The following TRIM71 variants were observed in gnomAD, a reference collection of about 807,000 sequenced individuals.
The protein encoded by TRIM71 is E3 ubiquitin-protein ligase TRIM71.
A neutral mutation model predicts 61.2 loss-of-function variants in TRIM71; 9 were observed. The observed-to-expected ratio is 0.15, with a 90% confidence interval of 0.09 to 0.26. TRIM71 has a LOEUF of 0.26. TRIM71 is among the 10% of genes least tolerant of loss of function. TRIM71 has a pLI of 1.00. For synonymous variants in TRIM71, 645 were observed against 553.2 expected, an observed-to-expected ratio of 1.17 and a Z score of -2.33; for missense variants, 998 against 1,238.7, an observed-to-expected ratio of 0.81 and a Z score of 2.92.
chr3:32,818,194 G>C lies in TRIM71; in HGVS notation c.114G>C (p.Thr38=). Residue 38 remains threonine (T), a synonymous_variant, in exon 1 of 4, where the codon ACG becomes ACC. Transcript: ENST00000383763. ...CCGCGTCGTCGTCCTCCTCGCAGACGTCCACGTCGTCGGGGGGCGGCGGCG... is the reference window on the plus strand; with the variant it reads ...CCGCGTCGTCGTCCTCCTCGCAGACCTCCACGTCGTCGGGGGGCGGCGGCG... ...NSSASSSSSQ[T]STSSGGGGGG... The C allele has an allele frequency of 6.3e-7, 1 of 1,578,160 alleles. No individual in the cohort carries two copies.
At chr3:32,886,375 T>G (rs928363937) in intron 3 of TRIM71, among the ~76,000 whole-genome samples, 2 of 152,184 alleles carry the variant, frequency 1.3e-5, no homozygotes, top group Non-Finnish European at 2.9e-5. Context: ...GAAACTGTTG[T>G]TAAGAAAGGC....
intron 1 of TRIM71, among the ~76,000 whole-genome samples, chr3:32,862,250 C>T (rs1400400270): frequency 1.3e-5 from 2 of 152,100 alleles, no homozygotes; most frequent in Non-Finnish European, 2.9e-5. Context: ...GGGAAGTGCT[C>T]GGTTGTGTTA....
At chr3:32,827,489 T>C (rs6550161) in intron 1 of TRIM71, among the ~76,000 whole-genome samples, 27,061 of 151,914 alleles carry the variant, frequency 0.18, 2,530 homozygotes, top group Middle Eastern at 0.29. Context: ...CTCGAACTCC[T>C]GACCTCAGGT....
Position 32,897,173 on chromosome 3 carries a change from G to C in TRIM71, c.*5362G>C, listed in dbSNP as rs900535366. 3.3e-5 allele frequency: 5 copies of C among 151,860 alleles called. No individual in the cohort carries two copies. Among genetic ancestry groups the C allele is most frequent in the Non-Finnish European group, 5.9e-5 (4 of 67,952 alleles). The allele number at this position is 151,860 out of a possible 1,614,324, so 9.4% of individuals were successfully genotyped here. A position where few individuals can be genotyped will look rare whatever the true frequency, so the allele number is the denominator to read the frequency against. ...TTTAATTTTTAACTGCAGAACATGT[G>C]ACTCGGTTGAGTCTTTTTGTCTTTT... On this transcript the variant is annotated 3_prime_UTR_variant, in exon 4 of 4. Transcript: ENST00000383763.
At chr3:32,845,952 C>T (rs1188364683) in intron 1 of TRIM71, among the ~76,000 whole-genome samples, 2 of 151,750 alleles carry the variant, frequency 1.3e-5, no homozygotes, top group Admixed American at 6.6e-5. Flanking sequence ...ATCTCCTGAC[C>T]TTAGGTGATC....
intron 1 of TRIM71, among the ~76,000 whole-genome samples, chr3:32,834,012 A>C (rs1696305017): frequency 6.6e-6 from 1 of 152,240 alleles, no homozygotes; most frequent in African/African-American, 2.4e-5. Context: ...TTCCAAGAGG[A>C]AAATTCGTTT....
At chr3:32,831,324 T>C (rs1231564564) in intron 1 of TRIM71, among the ~76,000 whole-genome samples, 1 of 152,134 alleles carries the variant, frequency 6.6e-6, no homozygotes, top group African/African-American at 2.4e-5. Flanking sequence ...ACCGTTAAGA[T>C]GGGAGTGATA....
At chr3:32,835,873 G>A (rs990381144) in intron 1 of TRIM71, among the ~76,000 whole-genome samples, 2 of 152,096 alleles carry the variant, frequency 1.3e-5, no homozygotes, top group Non-Finnish European at 2.9e-5. Context: ...GGTTCGTGGG[G>A]CTCCTTTCAA....
intron 1 of TRIM71, among the ~76,000 whole-genome samples, chr3:32,850,105 C>G (rs1485964656): frequency 6.6e-6 from 1 of 152,236 alleles, no homozygotes; most frequent in Admixed American, 6.5e-5. Flanking sequence ...GTCTTCCAGT[C>G]TCCCTCCGTT....
Position 32,818,020 on chromosome 3 carries a change from T to G in TRIM71, c.-61T>G, listed in dbSNP as rs1026032507. 15 of 1,527,466 alleles carry G rather than the reference T, an allele frequency of 9.8e-6. No homozygotes were observed. The highest frequency in any genetic ancestry group is 1.4e-5 in the African/African-American group (1 of 71,982). 94.6% of individuals were successfully genotyped at this position (1,527,466 alleles called of 1,614,324 possible). On this transcript the variant is annotated 5_prime_UTR_variant, in exon 1 of 4. Coordinates refer to ENST00000383763, the MANE Select transcript of TRIM71 (RefSeq NM_001039111.3). ...TGACTCCCCCACCCACCTCGTCCGC[T>G]CTCTCCTCCTCCTCCTCCTCTTCCT...
chr3:32,879,915 T>TA (rs1352925981), intron 2 of TRIM71, among the ~76,000 whole-genome samples: 3 of 151,660 alleles, frequency 2.0e-5, no homozygotes, highest in Admixed American at 1.3e-4. Context: ...GAGCCAAGAT[T>TA]ACACCACTGC....
intron 1 of TRIM71, among the ~76,000 whole-genome samples, chr3:32,832,680 C>T (rs1025288717): frequency 1.3e-5 from 2 of 151,750 alleles, no homozygotes; most frequent in Non-Finnish European, 2.9e-5. Context: ...GTGAAGACCC[C>T]GTCTCAATAA....
chr3:32,846,759 T>C (rs1696480477), intron 1 of TRIM71, among the ~76,000 whole-genome samples: 1 of 151,748 alleles, frequency 6.6e-6, no homozygotes, highest in African/African-American at 2.4e-5. Context: ...CTTTTTTAGA[T>C]TCCATATATA....
rs1437780572 is a variant in TRIM71, at chr3:32,891,751, C to T, written c.2547C>T (p.Ile849=). ...TGGACCGCCCTTCCGGCATCGCCAT[C>T]ACCCCCGACGGAATGATCGTTGTGG... The part of the protein sequence containing the change: ...GQMDRPSGIA[I]TPDGMIVVVD... The change falls in exon 4 of 4, where the codon ATC becomes ATT. Residue 849 remains isoleucine, a synonymous_variant. Coordinates refer to ENST00000383763, the MANE Select transcript of TRIM71 (RefSeq NM_001039111.3). The surrounding 1 kb of genome is among the most constrained non-coding windows in gnomAD (Gnocchi z 8.2). 5 of 1,614,040 alleles carry T rather than the reference C, an allele frequency of 3.1e-6. No homozygotes were observed. In the African/African-American group the frequency reaches 5.3e-5, roughly 17 times the overall value.
intron 1 of TRIM71, among the ~76,000 whole-genome samples, chr3:32,845,010 A>G (rs1437235241): frequency 6.6e-6 from 1 of 152,204 alleles, no homozygotes; most frequent in Non-Finnish European, 1.5e-5. Context: ...TGCCTTCAAC[A>G]CAAACAAGGA....
At chr3:32,854,049 G>A (rs1365269206) in intron 1 of TRIM71, among the ~76,000 whole-genome samples, 3 of 152,064 alleles carry the variant, frequency 2.0e-5, no homozygotes, top group African/African-American at 7.2e-5. Context: ...GGCCCCTTTG[G>A]GCGATCTTGG....
chr3:32,843,637 GTT>G (rs1696436450), intron 1 of TRIM71, among the ~76,000 whole-genome samples: 1 of 152,164 alleles, frequency 6.6e-6, no homozygotes, highest in South Asian at 2.1e-4. Context: ...AATTAACTGT[GTT>G]TAATCTTCCC....
At chr3:32,820,104 AAG>A (rs1410516318) in intron 1 of TRIM71, among the ~76,000 whole-genome samples, 6 of 152,210 alleles carry the variant, frequency 3.9e-5, no homozygotes, top group Non-Finnish European at 5.9e-5. Flanking sequence ...GTAGACCGGT[AAG>A]AGAGGGTGTG....
At chr3:32,846,493 AT>A (rs1696476574) in intron 1 of TRIM71, among the ~76,000 whole-genome samples, 6 of 152,214 alleles carry the variant, frequency 3.9e-5, no homozygotes. Flanking sequence ...TTAGATACTT[AT>A]GTTTTTTGTA....
Sources: allele counts gnomAD v4.1 joint callset (sites outside exome capture counted in the v4.1 genomes callset), GRCh38; gene constraint gnomAD v4.1.1; non-coding constraint Gnocchi (gnomAD v3.1); transcripts MANE v1.5; gene names NCBI Gene and HGNC (gene_info 2026-07-23, HGNC 2026-07-21).